The following SLC25A48 variants were observed in gnomAD, a reference collection of about 807,000 sequenced individuals.
The protein encoded by SLC25A48 is CTC-321K16.1.
SLC25A48 carries 29 observed loss-of-function variants against 32.2 expected under a neutral mutation model. The ratio of observed to expected loss-of-function variants is 0.90; its 90% CI spans 0.67 to 1.23. The LOEUF is 1.23. Among genes scored for constraint, SLC25A48 ranks in the 50% most tolerant of loss-of-function variants. SLC25A48 has a pLI of 0.00. For missense variants in SLC25A48, 399 were observed against 422.7 expected (o/e 0.94, Z 0.49); for synonymous variants, 164 against 172.3 (o/e 0.95, Z 0.38).
In SLC25A48 at chr5:135,888,553, G is replaced by C. The variant is rs1441715351; in HGVS notation, c.*529G>C. On this transcript the variant is annotated 3_prime_UTR_variant, in exon 8 of 8. Transcript: ENST00000681962. ...CTGAGTCCAGTGCGTGCTCCTCACT[G>C]TGCACTTATTAGTGTCTGTTGAGTG... The C allele has an allele frequency of 6.4e-6, 1 of 155,888 alleles. No homozygotes were observed. Among genetic ancestry groups the C allele is most frequent in the Non-Finnish European group, 1.4e-5 (1 of 70,552 alleles). The allele number at this position is 155,888 out of a possible 1,614,324, so 9.7% of individuals were successfully genotyped here.
intron 3 of SLC25A48, among the ~76,000 whole-genome samples, chr5:135,811,808 G>A (rs1757594899): frequency 6.6e-6 from 1 of 152,230 alleles, no homozygotes. Flanking sequence ...TAGGCTAGGT[G>A]CAGTGGCTCA....
chr5:135,832,050 T>A (rs577234680), upstream of SLC25A48, among the ~76,000 whole-genome samples: 10 of 152,182 alleles, frequency 6.6e-5, no homozygotes, highest in East Asian at 1.7e-3. Flanking sequence ...GGGTGGCCAC[T>A]GGGTGGAGGT....
chr5:135,797,278 G>A (rs1475053071), intron 3 of SLC25A48, among the ~76,000 whole-genome samples: 1 of 151,860 alleles, frequency 6.6e-6, no homozygotes, highest in Non-Finnish European at 1.5e-5. Context: ...CAGGGGCTGT[G>A]ACATTGTTAT....
At chr5:135,831,691 G>A (rs1283371231), upstream of SLC25A48, among the ~76,000 whole-genome samples, 1 of 152,244 alleles carries the variant, frequency 6.6e-6, no homozygotes, top group Non-Finnish European at 1.5e-5. Context: ...GTGAGACATT[G>A]AGGTGCAAAG....
intron 7 of SLC25A48, among the ~76,000 whole-genome samples, chr5:135,886,588 AATATATAT>A (rs147005349): frequency 6.2e-4 from 22 of 35,440 alleles, no homozygotes; most frequent in Admixed American, 1.8e-3. Flanking sequence ...TATTTAACCA[AATATATAT>A]ATATATATAT....
At chr5:135,754,204 G>A (rs558223623) in intron 3 of SLC25A48, among the ~76,000 whole-genome samples, 24 of 152,062 alleles carry the variant, frequency 1.6e-4, no homozygotes, top group Non-Finnish European at 2.9e-4. Context: ...GATATCACAG[G>A]GTGTACACTG....
chr5:135,627,361 G>A (rs1317073523), intron 1 of SLC25A48, among the ~76,000 whole-genome samples: 1 of 152,106 alleles, frequency 6.6e-6, no homozygotes, highest in Admixed American at 6.5e-5. Flanking sequence ...TATTATCCAT[G>A]GCCAGCCCCT....
intron 3 of SLC25A48, among the ~76,000 whole-genome samples, chr5:135,780,115 A>G (rs1419751883): frequency 8.8e-6 from 1 of 113,510 alleles, no homozygotes; most frequent in African/African-American, 2.6e-5. Context: ...ATTATTCCCA[A>G]TATCGCAGGT....
chr5:135,616,970 A>T (rs1185395241), intron 1 of SLC25A48, among the ~76,000 whole-genome samples: 1 of 152,154 alleles, frequency 6.6e-6, no homozygotes, highest in African/African-American at 2.4e-5. Context: ...TGTTGGCCTC[A>T]TAGAATGAGT....
intron 3 of SLC25A48, among the ~76,000 whole-genome samples, chr5:135,669,971 A>G (rs1040963665): frequency 2.6e-5 from 4 of 152,200 alleles, no homozygotes; most frequent in Admixed American, 1.3e-4. Context: ...CCTAGCAGAG[A>G]GCAATTTCTT....
intron 3 of SLC25A48, among the ~76,000 whole-genome samples, chr5:135,740,645 T>G (rs1380747928): frequency 1.3e-5 from 2 of 152,168 alleles, no homozygotes; most frequent in African/African-American, 4.8e-5. Flanking sequence ...GCCGTTTGAG[T>G]GCTTTTACAA....
chr5:135,886,676 GA>G lies in SLC25A48; in HGVS notation c.*8-1355del, dbSNP rs1296205235. 1.1e-3 allele frequency among the ~76,000 whole-genome samples: 57 copies of G among 53,908 alleles called. 2 individuals carry two copies. Among genetic ancestry groups the G allele is most frequent in the Middle Eastern group, 7.9e-3 (1 of 126 alleles). The allele number at this position is 53,908 out of a possible 152,430, so 35.4% of individuals were successfully genotyped here. A position where few individuals can be genotyped will look rare whatever the true frequency, so the allele number is the denominator to read the frequency against. ...TGTGTGTGTGTGTGTGTGTGTGTGA[GA>G]GAGAGAGAGAGAGAGAGAGAGAGAG... On this transcript the variant is annotated intron_variant, in intron 7 of 7. Coordinates refer to ENST00000681962, the MANE Select transcript of SLC25A48 (RefSeq NM_001349336.2).
chr5:135,586,995 G>C (rs1356989808), intron 1 of SLC25A48, among the ~76,000 whole-genome samples: 2 of 152,150 alleles, frequency 1.3e-5, no homozygotes, highest in East Asian at 3.8e-4. Flanking sequence ...GTTCAGGGAA[G>C]TTCTTGCCCA....
At chr5:135,706,438 G>T (rs1207312329) in intron 3 of SLC25A48, among the ~76,000 whole-genome samples, 1 of 152,168 alleles carries the variant, frequency 6.6e-6, no homozygotes, top group African/African-American at 2.4e-5. Flanking sequence ...CTTTAAGCTG[G>T]TTAACAATAT....
At chr5:135,759,366 ATTAT>A (rs1461003635) in intron 3 of SLC25A48, among the ~76,000 whole-genome samples, 2 of 152,160 alleles carry the variant, frequency 1.3e-5, no homozygotes, top group African/African-American at 4.8e-5. Context: ...CGGATGTACC[ATTAT>A]TTATTTGACC....
At position 135,850,585 on chromosome 5, in the gene SLC25A48, T is replaced by A. The variant is rs892248903; in HGVS notation, c.162+89T>A. On this transcript the variant is annotated intron_variant, in intron 3 of 7. Transcript: ENST00000681962. ...CCACAGCCCCACACCAGCATGCAGG[T>A]GGGGGCCTCTCATCCTGCTCTTCAC... 3.2e-5 allele frequency: 39 copies of A among 1,222,964 alleles called. No homozygotes were observed. The African/African-American group carries it at 5.5e-4, about 17-fold the overall frequency. 75.8% of individuals were successfully genotyped at this position (1,222,964 alleles called of 1,614,324 possible).
intron 2 of SLC25A48, among the ~76,000 whole-genome samples, chr5:135,632,357 A>G (rs1752596024): frequency 1.3e-5 from 2 of 152,192 alleles, no homozygotes; most frequent in African/African-American, 4.8e-5. Context: ...GGAGGTAGAT[A>G]TGTTTACCCA....
Position 135,871,536 on chromosome 5 carries a change from C to T in SLC25A48, c.497C>T (p.Thr166Ile), listed in dbSNP as rs1465445653. 8.1e-6 allele frequency: 13 copies of T among 1,614,018 alleles called. No individual in the cohort carries two copies. Among genetic ancestry groups the T allele is most frequent in the African/African-American group, 1.3e-5 (1 of 74,936 alleles). The part of the protein sequence containing the change: ...PAYQGPVHCI[T>I]TIVRNEGLAG... The stretch of plus-strand genomic sequence containing the variant: ...TACCAGGGGCCAGTGCACTGCATTA[C>T]AACCATTGTGAGGAATGAGGGCCTG... Residue 166 changes from threonine (T) to isoleucine (I), a missense_variant, in exon 5 of 8, where the codon ACA (threonine) becomes ATA (isoleucine). Physicochemically the swap from Thr to Ile is moderately conservative, Grantham distance 89. Coordinates refer to ENST00000681962, the MANE Select transcript of SLC25A48 (RefSeq NM_001349336.2).
At chr5:135,738,712 G>C (rs762226061) in intron 3 of SLC25A48, among the ~76,000 whole-genome samples, 2 of 152,130 alleles carry the variant, frequency 1.3e-5, no homozygotes, top group Admixed American at 1.3e-4. Flanking sequence ...GGAGGGCCTC[G>C]CACACTCAGT....
Sources: allele counts gnomAD v4.1 joint callset (sites outside exome capture counted in the v4.1 genomes callset), GRCh38; gene constraint gnomAD v4.1.1; transcripts MANE v1.5; gene names NCBI Gene and HGNC (gene_info 2026-07-23, HGNC 2026-07-21).